Variants in SHISA9 observed in about 807,000 individuals in gnomAD.
The protein encoded by SHISA9 is shisa family member 9.
SHISA9 carries 13 observed loss-of-function variants against 38.0 expected under a neutral mutation model. The observed-to-expected ratio is 0.34, with a 90% CI of 0.22 to 0.54. The LOEUF (loss-of-function observed/expected upper bound fraction) is 0.54, where lower values mean the gene tolerates loss of function less well. SHISA9 is among the 20% of genes least tolerant of loss of function. The pLI, the probability that SHISA9 is intolerant of heterozygous loss-of-function variation, is 0.91. For synonymous variants in SHISA9, 275 were observed against 242.0 expected, an observed-to-expected ratio of 1.14 and a Z score of -1.27; for missense variants, 538 against 575.8, an observed-to-expected ratio of 0.93 and a Z score of 0.67.
the SHISA9 span, among the ~76,000 whole-genome samples, chr16:13,253,785 A>G: frequency 1.3e-5 from 2 of 152,230 alleles, no homozygotes; most frequent in East Asian, 3.8e-4. Context: ...GGCATTAATT[A>G]TCCATGGACA....
chr16:13,454,014 ACTC>A, the SHISA9 span, among the ~76,000 whole-genome samples: 1 of 152,088 alleles, frequency 6.6e-6, no homozygotes, highest in East Asian at 1.9e-4. Flanking sequence ...CATTTAAAGA[ACTC>A]CTCCTTCTTC....
At chr16:13,262,434 C>T in the SHISA9 span, among the ~76,000 whole-genome samples, 10 of 152,254 alleles carry the variant, frequency 6.6e-5, no homozygotes, top group South Asian at 2.1e-4. Flanking sequence ...TTTTAGCTTT[C>T]GCTGCACTCT....
At chr16:13,363,875 C>T in the SHISA9 span, among the ~76,000 whole-genome samples, 11,812 of 152,174 alleles carry the variant, frequency 0.078, 659 homozygotes, top group East Asian at 0.2. Context: ...GTCCAAAGAC[C>T]AGAAATATCA....
At chr16:13,506,654 C>A in the SHISA9 span, among the ~76,000 whole-genome samples, 1 of 152,058 alleles carries the variant, frequency 6.6e-6, no homozygotes, top group African/African-American at 2.4e-5. Context: ...GGAGCGCCTG[C>A]GTGAAGTGAG....
the SHISA9 span, among the ~76,000 whole-genome samples, chr16:13,376,833 G>T: frequency 6.6e-6 from 1 of 152,006 alleles, no homozygotes; most frequent in East Asian, 1.9e-4. Context: ...GACTACAGGT[G>T]CACACCACTA....
At chr16:12,961,689 C>T (rs1199091443) in intron 2 of SHISA9, among the ~76,000 whole-genome samples, 1 of 152,194 alleles carries the variant, frequency 6.6e-6, no homozygotes, top group Non-Finnish European at 1.5e-5. Flanking sequence ...TTAGTGAACA[C>T]AGAGCCCATT....
chr16:13,389,900 G>T, the SHISA9 span, among the ~76,000 whole-genome samples: 1 of 152,194 alleles, frequency 6.6e-6, no homozygotes, highest in Non-Finnish European at 1.5e-5. Context: ...TAGGATGGGT[G>T]CTCTTGCAAG....
chr16:12,919,545 C>G (rs1567339087), intron 2 of SHISA9, among the ~76,000 whole-genome samples: 1 of 152,166 alleles, frequency 6.6e-6, no homozygotes, highest in Non-Finnish European at 1.5e-5. Context: ...AACCTTAGGT[C>G]TCTTTCTATT....
chr16:13,295,729 G>C, the SHISA9 span, among the ~76,000 whole-genome samples: 1 of 152,290 alleles, frequency 6.6e-6, no homozygotes, highest in African/African-American at 2.4e-5. Flanking sequence ...ATTGGAGAAA[G>C]AGATCCCTAA....
chr16:13,556,940 A>T, the SHISA9 span, among the ~76,000 whole-genome samples: 1 of 152,224 alleles, frequency 6.6e-6, no homozygotes, highest in Non-Finnish European at 1.5e-5. Flanking sequence ...GTCATTTTAT[A>T]TAAAGGACTA....
At chr16:13,399,184 G>A in the SHISA9 span, among the ~76,000 whole-genome samples, 50 of 151,872 alleles carry the variant, frequency 3.3e-4, no homozygotes, top group Admixed American at 5.2e-4. Context: ...AAACCCAGGA[G>A]GCAGATGCAG....
chr16:13,178,218 GGGT>G (rs2050748051), intron 2 of SHISA9, among the ~76,000 whole-genome samples: 1 of 152,122 alleles, frequency 6.6e-6, no homozygotes, highest in Non-Finnish European at 1.5e-5. Context: ...CTACAAGGAT[GGGT>G]CAGGTGCACG....
At chr16:13,053,089 G>A (rs952118979) in intron 2 of SHISA9, among the ~76,000 whole-genome samples, 24 of 149,208 alleles carry the variant, frequency 1.6e-4, no homozygotes, top group Non-Finnish European at 1.5e-5. Context: ...CCATTCTCCC[G>A]AGAACCTGGG....
chr16:13,546,929 C>G, the SHISA9 span, among the ~76,000 whole-genome samples: 1 of 152,188 alleles, frequency 6.6e-6, no homozygotes, highest in African/African-American at 2.4e-5. Context: ...ATCCATGCAA[C>G]TCTCCAATTT....
chr16:13,539,463 C>A, the SHISA9 span, among the ~76,000 whole-genome samples: 1 of 150,862 alleles, frequency 6.6e-6, no homozygotes, highest in Non-Finnish European at 1.5e-5. Flanking sequence ...AGGTGTCAAC[C>A]ACTATGCTTG....
the SHISA9 span, among the ~76,000 whole-genome samples, chr16:13,331,139 C>T: frequency 6.6e-6 from 1 of 151,970 alleles, no homozygotes. Context: ...GAGAACGGAC[C>T]AGACATAACA....
At chr16:13,210,559 A>G (rs2051109218) in intron 3 of SHISA9, among the ~76,000 whole-genome samples, 1 of 152,234 alleles carries the variant, frequency 6.6e-6, no homozygotes, top group African/African-American at 2.4e-5. Context: ...ACACTTCAAT[A>G]TGGCAGGAAT....
At chr16:13,385,130 A>G in the SHISA9 span, among the ~76,000 whole-genome samples, 2 of 152,240 alleles carry the variant, frequency 1.3e-5, no homozygotes, top group African/African-American at 4.8e-5. Context: ...CAGAATCGTT[A>G]AAATAAAAAG....
intron 2 of SHISA9, among the ~76,000 whole-genome samples, chr16:13,100,712 T>C (rs1294369675): frequency 6.6e-6 from 1 of 152,084 alleles, no homozygotes; most frequent in Non-Finnish European, 1.5e-5. Flanking sequence ...GTTTGGCTAT[T>C]TATTTATTTA....
Sources: gnomAD v4.1 joint callset for allele counts (sites outside exome capture counted in the v4.1 genomes callset) on GRCh38, gnomAD v4.1.1 for gene constraint, MANE v1.5 for transcripts, NCBI Gene and HGNC (gene_info 2026-07-23, HGNC 2026-07-21) for gene names.